The following FER1L6 variants were observed in gnomAD, a reference collection of about 807,000 sequenced individuals.
FER1L6 encodes the protein fer-1-like protein 6.
In FER1L6, 177 loss-of-function variants were observed where a neutral mutation model predicts 219.2. That is an observed-to-expected ratio of 0.81 (90% confidence interval 0.71 to 0.91). The LOEUF (loss-of-function observed/expected upper bound fraction) is 0.91, where lower values mean the gene tolerates loss of function less well. Among genes scored for constraint, FER1L6 ranks in the 40% least tolerant of loss-of-function variants. The probability of loss-of-function intolerance (pLI) is 0.00; values close to 1 mark genes in which losing one functional copy is unlikely to be tolerated. For synonymous variants in FER1L6, 768 were observed against 824.3 expected (o/e 0.93, Z 1.17); for missense variants, 2,153 against 2,259.9 (o/e 0.95, Z 0.96).
At chr8:123,880,248 C>A (rs1008904283) in intron 1 of FER1L6, among the ~76,000 whole-genome samples, 2 of 152,180 alleles carry the variant, frequency 1.3e-5, no homozygotes. Context: ...ACCAGCTGAT[C>A]GACCAACAGA....
intron 6 of FER1L6, among the ~76,000 whole-genome samples, chr8:123,971,198 C>T (rs918802850): frequency 8.5e-5 from 13 of 152,216 alleles, no homozygotes; most frequent in Non-Finnish European, 1.9e-4. Flanking sequence ...CTACAGCTGA[C>T]TGTCAGCAAA....
Position 124,101,231 on chromosome 8 carries a change from C to A in FER1L6, c.5018C>A (p.Thr1673Asn). 1 of 1,613,770 alleles carries A rather than the reference C, an allele frequency of 6.2e-7. No individual in the cohort carries two copies. The highest frequency in any genetic ancestry group is 8.5e-7 in the Non-Finnish European group (1 of 1,179,942). Residue 1673 changes from threonine to asparagine, a missense_variant, in exon 38 of 41, where the codon ACC becomes AAC. Physicochemically the swap from Thr to Asn is moderately conservative, Grantham distance 65. Transcript: ENST00000522917. ...CCAGCTGAGAAGCAAATGGTCATTACCAAGAGGGAGAACATCTTCTCTTTA... is the reference window on the plus strand; with the variant it reads ...CCAGCTGAGAAGCAAATGGTCATTAACAAGAGGGAGAACATCTTCTCTTTA... ...YLPAEKQMVITKRENIFSLEK... is the reference protein window; with the variant it reads ...YLPAEKQMVINKRENIFSLEK...
chr8:123,963,296 A>G lies in FER1L6; in HGVS notation c.95A>G (p.Glu32Gly). 4 of 1,614,050 alleles carry G rather than the reference A, an allele frequency of 2.5e-6. No homozygotes were observed. The highest frequency in any genetic ancestry group is 2.5e-6 in the Non-Finnish European group (3 of 1,179,930). The change falls in exon 3 of 41, where the codon GAA (glutamate) becomes GGA (glycine). Residue 32 changes from glutamate to glycine, a missense_variant. Coordinates refer to ENST00000522917, the MANE Select transcript of FER1L6 (RefSeq NM_001039112.2). ...KAAKDSQGDT[E>G]ALQEEPSHQE... ...TCTCCAGATAGTCAAGGTGACACTG[A>G]AGCACTGCAGGAGGAGCCTTCTCAC...
chr8:124,100,388 G>A (rs144276468), intron 37 of FER1L6, among the ~76,000 whole-genome samples: 2 of 152,312 alleles, frequency 1.3e-5, no homozygotes, highest in African/African-American at 4.8e-5. Flanking sequence ...CATCTCATGT[G>A]ATTTTTCAGA....
intron 1 of FER1L6, among the ~76,000 whole-genome samples, chr8:123,912,286 A>AAAAG (rs148584904): frequency 0.58 from 87,345 of 150,378 alleles, 25,452 homozygotes; most frequent in South Asian, 0.73. Context: ...GTTTAAAAAA[A>AAAAG]AAGAAGAAGA....
intron 31 of FER1L6, among the ~76,000 whole-genome samples, 178 bp downstream of exon 31, chr8:124,071,809 G>T (rs1024165930): frequency 1.3e-5 from 2 of 152,166 alleles, no homozygotes; most frequent in African/African-American, 4.8e-5. Flanking sequence ...CTCTCTTGCT[G>T]GTTTGTGGAT....
Position 124,045,769 on chromosome 8 carries a change from A to G in FER1L6, c.2592A>G (p.Ile864Met). The change falls in exon 21 of 41, where the codon ATA (isoleucine) becomes ATG (methionine). Residue 864 changes from isoleucine to methionine, a missense_variant and splice_region_variant. Transcript: ENST00000522917. ...TFLSHCQTTKIISQTLSPTWN... is the reference protein window; with the variant it reads ...TFLSHCQTTKMISQTLSPTWN... The stretch of plus-strand genomic sequence containing the variant: ...TTTTCTTTGGTCCCTGCTTCCAGAT[A>G]ATCTCCCAGACCCTCTCTCCGACCT... 1 of 1,613,918 alleles carries G rather than the reference A, an allele frequency of 6.2e-7. No homozygotes were observed. The highest frequency in any genetic ancestry group is 8.5e-7 in the Non-Finnish European group (1 of 1,179,938).
intron 33 of FER1L6, among the ~76,000 whole-genome samples, chr8:124,086,430 C>A (rs1475483943): frequency 6.7e-6 from 1 of 150,356 alleles, no homozygotes; most frequent in Admixed American, 6.6e-5. Flanking sequence ...GCTGATAACA[C>A]TAACTGCATA....
intron 35 of FER1L6, among the ~76,000 whole-genome samples, chr8:124,096,288 CT>C (rs1822285774): frequency 6.6e-6 from 1 of 152,234 alleles, no homozygotes; most frequent in East Asian, 1.9e-4. Flanking sequence ...AATCATCCTG[CT>C]TTTCTCTATT....
chr8:124,070,380 C>A, intron 29 of FER1L6, 87 bp from the exon 30 acceptor site: 1 of 1,472,712 alleles, frequency 6.8e-7, no homozygotes, highest in African/African-American at 1.4e-5. Context: ...TATATCAAGG[C>A]TGGTTTTGGA....
intron 18 of FER1L6, among the ~76,000 whole-genome samples, chr8:124,033,920 GAGT>G (rs1173355881): frequency 6.6e-6 from 1 of 152,194 alleles, no homozygotes; most frequent in Non-Finnish European, 1.5e-5. Flanking sequence ...GGCCAGGACT[GAGT>G]CTTCTGGCCC....
chr8:123,992,847 C>T, intron 12 of FER1L6, among the ~76,000 whole-genome samples: 1 of 152,070 alleles, frequency 6.6e-6, no homozygotes, highest in Non-Finnish European at 1.5e-5. Context: ...GCATTTAGTC[C>T]TTCCTCTTAG....
chr8:123,989,998 G>A (rs2130404828), intron 12 of FER1L6, among the ~76,000 whole-genome samples: 1 of 152,316 alleles, frequency 6.6e-6, no homozygotes, highest in South Asian at 2.1e-4. Flanking sequence ...GCTGGGCGCG[G>A]TGGCTCATGC....
intron 31 of FER1L6, among the ~76,000 whole-genome samples, chr8:124,074,931 T>C (rs983575504): frequency 2.0e-5 from 3 of 152,158 alleles, no homozygotes; most frequent in Admixed American, 6.5e-5. Flanking sequence ...AAATACAGTA[T>C]AAAAGATTTG....
At chr8:124,075,377 C>A (rs901859296) in intron 31 of FER1L6, among the ~76,000 whole-genome samples, 6 of 152,142 alleles carry the variant, frequency 3.9e-5, no homozygotes, top group African/African-American at 1.4e-4. Context: ...GGGTCAGGAT[C>A]ATCAATATCA....
intron 1 of FER1L6, among the ~76,000 whole-genome samples, chr8:123,879,815 T>C (rs1697704172): frequency 6.6e-6 from 1 of 152,138 alleles, no homozygotes; most frequent in African/African-American, 2.4e-5. Flanking sequence ...TCGAATGCTC[T>C]CTCTCCACTC....
intron 1 of FER1L6, among the ~76,000 whole-genome samples, chr8:123,914,854 C>T (rs1335808793): frequency 6.6e-6 from 1 of 152,082 alleles, no homozygotes; most frequent in Non-Finnish European, 1.5e-5. Context: ...GACCACGCAT[C>T]TAAAAGAAAC....
In FER1L6 at chr8:124,069,427, CAAG is replaced by C; in HGVS notation, c.3792_3794del (p.Lys1265del). 4 of 1,611,664 alleles carry C rather than the reference CAAG, an allele frequency of 2.5e-6. No individual in the cohort carries two copies. The South Asian group carries it at 3.3e-5, about 13-fold the overall frequency. On this transcript the variant is annotated inframe_deletion, in exon 29 of 41. Transcript: ENST00000522917. ...CAAAGAAGAAGAAAGACAAAATGCT[CAAG>C]AAGAAACCCAAAGATGATGGAATCC... is the stretch of plus-strand genomic sequence containing the variant.
At chr8:124,023,878 A>G (rs547518324) in intron 18 of FER1L6, among the ~76,000 whole-genome samples, 2 of 147,290 alleles carry the variant, frequency 1.4e-5, no homozygotes, top group South Asian at 2.1e-4. Context: ...GATTACTAGT[A>G]TTAATAACAA....
Sources: gnomAD v4.1 joint callset for allele counts (sites outside exome capture counted in the v4.1 genomes callset) on GRCh38, gnomAD v4.1.1 for gene constraint, MANE v1.5 for transcripts, NCBI Gene and HGNC (gene_info 2026-07-23, HGNC 2026-07-21) for gene names.